Variants in PSMC3IP observed in about 807,000 individuals in gnomAD.
The protein encoded by PSMC3IP is homologous-pairing protein 2 homolog.
A neutral mutation model predicts 34.9 loss-of-function variants in PSMC3IP; 26 were observed. The ratio of observed to expected loss-of-function variants is 0.74; its 90% CI spans 0.55 to 1.03. The LOEUF (loss-of-function observed/expected upper bound fraction) is 1.03. Ranked by LOEUF, PSMC3IP falls within the 50% of genes least tolerant of loss-of-function variation. PSMC3IP has a pLI of 0.00. For missense variants in PSMC3IP, 250 were observed against 263.1 expected, an observed-to-expected ratio of 0.95 and a Z score of 0.34; for synonymous variants, 87 against 96.5, an observed-to-expected ratio of 0.90 and a Z score of 0.57.
rs1050523651 is a variant in PSMC3IP, at chr17:42,576,643, A to G, written c.225+570T>C. The G allele has an allele frequency of 4.9e-5, 9 of 182,364 alleles. No homozygotes were observed. The East Asian group carries it at 5.9e-4, about 12-fold the overall frequency. 11.3% of individuals were successfully genotyped at this position (182,364 alleles called of 1,614,324 possible). ...GTAAGACCCATCTCTATAAAAATTA[A>G]AAAAATAAATAAAAACGGAAAAATC... On this transcript the variant is annotated intron_variant, in intron 3 of 7. Transcript: ENST00000393795.
At position 42,572,674 on chromosome 17, in the gene PSMC3IP, A is replaced by C. The variant is rs1322344036; in HGVS notation, c.*294T>G. On this transcript the variant is annotated 3_prime_UTR_variant, in exon 8 of 8. Coordinates refer to ENST00000393795, the MANE Select transcript of PSMC3IP (RefSeq NM_016556.4). Reference sequence around the variant, plus strand: ...AGAGGAAATTAAATATTTTTATATAAAATTAAATTATAATAAATATTGCCA... The same window carrying C: ...AGAGGAAATTAAATATTTTTATATACAATTAAATTATAATAAATATTGCCA... The C allele has an allele frequency of 2.4e-6, 1 of 410,908 alleles. No homozygotes were observed. The highest frequency in any genetic ancestry group is 2.6e-5 in the Admixed American group (1 of 38,950). 25.5% of individuals were successfully genotyped at this position (410,908 alleles called of 1,614,324 possible). A position where few individuals can be genotyped will look rare whatever the true frequency, so the allele number is the denominator to read the frequency against.
chr17:42,577,625 G>A (rs1254371310), intron 1 of PSMC3IP, 28 bp downstream of exon 1: 1 of 1,614,158 alleles, frequency 6.2e-7, no homozygotes, highest in Admixed American at 1.7e-5. Context: ...GCCCTCCCGG[G>A]TCTTCCCCGC....
At chr17:42,574,839 C>T (rs1193635995) in intron 3 of PSMC3IP, among the ~76,000 whole-genome samples, 10 of 152,138 alleles carry the variant, frequency 6.6e-5, no homozygotes, top group African/African-American at 1.2e-4. Context: ...CTGCAACCTC[C>T]GCCTCCTGGC....
intron 3 of PSMC3IP, among the ~76,000 whole-genome samples, chr17:42,574,905 C>T (rs905014911): frequency 6.6e-6 from 1 of 152,186 alleles, no homozygotes; most frequent in African/African-American, 2.4e-5. Flanking sequence ...AGGCGCGCAC[C>T]ACCAAGCGCA....
intron 3 of PSMC3IP, among the ~76,000 whole-genome samples, chr17:42,574,792 CA>C (rs1338115341): frequency 7.3e-6 from 1 of 137,786 alleles, no homozygotes; most frequent in Non-Finnish European, 1.6e-5. Context: ...CTTTCTCTGT[CA>C]CCCAGGCCAG....
intron 3 of PSMC3IP, 107 bp downstream of exon 3, chr17:42,577,102 AAGAC>A (rs766029219): frequency 5.8e-5 from 91 of 1,568,810 alleles, no homozygotes; most frequent in Non-Finnish European, 7.5e-5. Context: ...ATGGTGGCCT[AAGAC>A]AGGTGAGTTT....
rs753644777 is a variant in PSMC3IP, at chr17:42,573,521, A to G, written c.440T>C (p.Ile147Thr). The change falls in exon 5 of 8, where the codon ATT becomes ACT. Residue 147 changes from isoleucine to threonine, a missense_variant. Coordinates refer to ENST00000393795, the MANE Select transcript of PSMC3IP (RefSeq NM_016556.4). Reference sequence around the variant, plus strand: ...AGTCACATGATTGGTAGCTGCTTTAATGTTCTTCAATCTCTCTCTGTAGCC... The same window carrying G: ...AGTCACATGATTGGTAGCTGCTTTAGTGTTCTTCAATCTCTCTCTGTAGCC... ...CAGYRERLKN[I>T]KAATNHVTPE... 6 of 1,614,122 alleles carry G rather than the reference A, an allele frequency of 3.7e-6. No homozygotes were observed. The highest frequency in any genetic ancestry group is 5.1e-6 in the Non-Finnish European group (6 of 1,180,016).
In PSMC3IP at chr17:42,573,041, C is replaced by A; in HGVS notation, c.598-17G>T. 6.2e-7 allele frequency: 1 copy of A among 1,614,212 alleles called. No individual in the cohort carries two copies. Among genetic ancestry groups the A allele is most frequent in the South Asian group, 1.1e-5 (1 of 91,084 alleles). On this transcript the variant is annotated splice_polypyrimidine_tract_variant and intron_variant, in intron 7 of 7. Coordinates refer to ENST00000393795, the MANE Select transcript of PSMC3IP (RefSeq NM_016556.4). Reference sequence around the variant, plus strand: ...AACTTCCTCCTGTGAGACAGGGAGACAAGTGAATGAGATGTCACCAGGATA... The same window carrying A: ...AACTTCCTCCTGTGAGACAGGGAGAAAAGTGAATGAGATGTCACCAGGATA...
At position 42,573,547 on chromosome 17, in the gene PSMC3IP, A is replaced by C. The variant is rs1460588078; in HGVS notation, c.414T>G (p.Ala138=). Residue 138 remains alanine (A), a synonymous_variant, in exon 5 of 8, where the codon GCT becomes GCG. Coordinates refer to ENST00000393795, the MANE Select transcript of PSMC3IP (RefSeq NM_016556.4). The part of the protein sequence containing the change: ...KEIQELKKEC[A]GYRERLKNIK... Reference sequence around the variant, plus strand: ...TGTTCTTCAATCTCTCTCTGTAGCCAGCGCATTCCTTCTTTAACTCCTGGA... The same window carrying C: ...TGTTCTTCAATCTCTCTCTGTAGCCCGCGCATTCCTTCTTTAACTCCTGGA... 4 of 1,614,016 alleles carry C rather than the reference A, an allele frequency of 2.5e-6. No individual in the cohort carries two copies. The highest frequency in any genetic ancestry group is 3.4e-6 in the Non-Finnish European group (4 of 1,179,992).
rs2093080999 is a variant in PSMC3IP at position 42,577,213 on chromosome 17, C to T, written c.225G>A (p.Gln75=). ...GACAATCGGCGCAAGTTCTCCTCAC[C>T]TGATCCGCAAAATAGATCTTCTGCT... is the stretch of plus-strand genomic sequence containing the variant. The part of the protein sequence containing the change: ...YGKQKIYFAD[Q]DQFDMVSDAD... Residue 75 remains glutamine, a splice_region_variant and synonymous_variant, in exon 3 of 8, where the codon CAG becomes CAA. Transcript: ENST00000393795. 6.2e-7 allele frequency: 1 copy of T among 1,614,064 alleles called. No individual in the cohort carries two copies. The highest frequency in any genetic ancestry group is 8.5e-7 in the Non-Finnish European group (1 of 1,180,014).
rs760170886 is a variant in PSMC3IP at position 42,572,615 on chromosome 17, C to T, written c.*353G>A. The T allele has an allele frequency of 1.3e-4, 59 of 450,640 alleles. No homozygotes were observed. Among genetic ancestry groups the T allele is most frequent in the Admixed American group, 1.0e-3 (44 of 42,310 alleles). 27.9% of individuals were successfully genotyped at this position (450,640 alleles called of 1,614,324 possible). On this transcript the variant is annotated 3_prime_UTR_variant, in exon 8 of 8. Transcript: ENST00000393795. ...AGTTCTCCAAATTCACTTCTGCCTT[C>T]CTCAGGTTTGATATCTGGCAGGTTT...
At chr17:42,575,005 C>T (rs1449232858) in intron 3 of PSMC3IP, among the ~76,000 whole-genome samples, 1 of 152,204 alleles carries the variant, frequency 6.6e-6, no homozygotes, top group East Asian at 1.9e-4. Flanking sequence ...CCATCCGCCT[C>T]AGCCTCCCAA....
chr17:42,572,763 A>G lies in PSMC3IP; in HGVS notation c.*205T>C, dbSNP rs1465992144. 10 of 691,672 alleles carry G rather than the reference A, an allele frequency of 1.4e-5. No individual in the cohort carries two copies. The highest frequency in any genetic ancestry group is 2.6e-5 in the Non-Finnish European group (10 of 381,020). 42.8% of individuals were successfully genotyped at this position (691,672 alleles called of 1,614,324 possible). Reference sequence around the variant, plus strand: ...ACCTCAAGCTACTGCAATTTAGACAATGAAATGGGCTGGGTCTACCCCCAG... The same window carrying G: ...ACCTCAAGCTACTGCAATTTAGACAGTGAAATGGGCTGGGTCTACCCCCAG... On this transcript the variant is annotated 3_prime_UTR_variant, in exon 8 of 8. Transcript: ENST00000393795.
chr17:42,577,215 G>C lies in PSMC3IP; in HGVS notation c.223C>G (p.Gln75Glu). 6.2e-7 allele frequency: 1 copy of C among 1,613,962 alleles called. No individual in the cohort carries two copies. The highest frequency in any genetic ancestry group is 1.3e-5 in the African/African-American group (1 of 74,966). Residue 75 changes from glutamine to glutamate, a missense_variant and splice_region_variant, in exon 3 of 8, where the codon CAG becomes GAG. Coordinates refer to ENST00000393795, the MANE Select transcript of PSMC3IP (RefSeq NM_016556.4). ...YGKQKIYFAD[Q>E]DQFDMVSDAD... ...CAATCGGCGCAAGTTCTCCTCACCT[G>C]ATCCGCAAAATAGATCTTCTGCTTG...
rs751775102 is a variant in PSMC3IP, at chr17:42,573,532, T to G, written c.429A>C (p.Arg143Ser). Residue 143 changes from arginine (R) to serine (S), a missense_variant, in exon 5 of 8, where the codon AGA (arginine) becomes AGC (serine). Transcript: ENST00000393795. ...LKKECAGYRE[R>S]LKNIKAATNH... ...TGGTAGCTGCTTTAATGTTCTTCAA[T>G]CTCTCTCTGTAGCCAGCGCATTCCT... is the stretch of plus-strand genomic sequence containing the variant. The G allele has an allele frequency of 6.2e-7, 1 of 1,614,202 alleles. No individual in the cohort carries two copies. The highest frequency in any genetic ancestry group is 8.5e-7 in the Non-Finnish European group (1 of 1,180,032).
At position 42,573,581 on chromosome 17, in the gene PSMC3IP, T is replaced by C. The variant is rs755301421; in HGVS notation, c.380A>G (p.Gln127Arg). The C allele has an allele frequency of 6.2e-7, 1 of 1,614,194 alleles. No homozygotes were observed. The highest frequency in any genetic ancestry group is 1.1e-5 in the South Asian group (1 of 91,086). The change falls in exon 5 of 8, where the codon CAG (glutamine) becomes CGG (arginine). Residue 127 changes from glutamine (Q) to arginine (R), a missense_variant. Physicochemically the swap from Gln to Arg is conservative, Grantham distance 43. Coordinates refer to ENST00000393795, the MANE Select transcript of PSMC3IP (RefSeq NM_016556.4). Reference sequence around the variant, plus strand: ...CTTCTTTAACTCCTGGATTTCTTTCTGCATCTCTGGTGTGGTCAGGGCACT... The same window carrying C: ...CTTCTTTAACTCCTGGATTTCTTTCCGCATCTCTGGTGTGGTCAGGGCACT... ...LSSALTTPEM[Q>R]KEIQELKKEC...
At chr17:42,577,825 G>A (rs1278867182), upstream of PSMC3IP, 2 of 1,028,306 alleles carry the variant, frequency 1.9e-6, no homozygotes, top group South Asian at 1.3e-5. Context: ...GACCCCTCCC[G>A]GACTCCATAG....
intron 5 of PSMC3IP, 27 bp from the exon 6 acceptor site, chr17:42,573,391 A>T: frequency 6.2e-7 from 1 of 1,613,988 alleles, no homozygotes; most frequent in Non-Finnish European, 8.5e-7. Flanking sequence ...AGTTCCTCTA[A>T]CTCCTCAGAA....
At chr17:42,577,800 C>T, upstream of PSMC3IP, 1 of 1,322,332 alleles carries the variant, frequency 7.6e-7, no homozygotes, top group Non-Finnish European at 1.1e-6. Context: ...GGGAAGCCTT[C>T]CGGAGGAGCA....
Sources: allele counts gnomAD v4.1 joint callset (sites outside exome capture counted in the v4.1 genomes callset), GRCh38; gene constraint gnomAD v4.1.1; transcripts MANE v1.5; gene names NCBI Gene and HGNC (gene_info 2026-07-23, HGNC 2026-07-21).